Variants in TF observed in about 807,000 individuals in gnomAD.
TF encodes transferrin.
TF carries 55 observed loss-of-function variants against 82.4 expected under a neutral mutation model. The ratio of observed to expected loss-of-function variants is 0.67; its 90% CI spans 0.54 to 0.84. The LOEUF is 0.84. Among genes scored for constraint, TF ranks in the 40% least tolerant of loss-of-function variants. The pLI, the probability that TF is intolerant of heterozygous loss-of-function variation, is 0.00. For missense variants in TF, 737 were observed against 868.4 expected (o/e 0.85, Z 1.90); for synonymous variants, 332 against 332.6 (o/e 1.00, Z 0.02).
At position 133,782,125 on chromosome 3, in the gene TF, T is replaced by G. The variant is rs1183166603; in HGVS notation, c.*3505T>G. On this transcript the variant is annotated 3_prime_UTR_variant, in exon 17 of 17. Coordinates refer to ENST00000402696, the MANE Select transcript of TF (RefSeq NM_001063.4). The stretch of plus-strand genomic sequence containing the variant: ...CTAGATAATAATAGGATGACTATTA[T>G]CAAAAAGTCAAAAGATATTAATCAT... 1 of 152,102 alleles carries G rather than the reference T, an allele frequency of 6.6e-6. No individual in the cohort carries two copies. 9.4% of individuals were successfully genotyped at this position (152,102 alleles called of 1,614,324 possible).
chr3:133,675,668 T>G, the TF span, among the ~76,000 whole-genome samples: 1 of 152,226 alleles, frequency 6.6e-6, no homozygotes, highest in African/African-American at 2.4e-5. Context: ...TCAGCAGCTG[T>G]TAACTACACC....
the TF span, chr3:133,665,170 A>T: frequency 1.3e-5 from 2 of 152,286 alleles, no homozygotes; most frequent in African/African-American, 2.4e-5. Context: ...AAACTTTTTT[A>T]AAAAAGAAGC....
At chr3:133,763,795 G>C (rs1316832578) in intron 9 of TF, among the ~76,000 whole-genome samples, 5 of 152,204 alleles carry the variant, frequency 3.3e-5, no homozygotes, top group Non-Finnish European at 7.3e-5. Context: ...CCCTTCAGAA[G>C]GTGCTGTGTT....
the TF span, among the ~76,000 whole-genome samples, chr3:133,733,542 G>A: frequency 9.2e-5 from 14 of 152,198 alleles, no homozygotes; most frequent in Non-Finnish European, 1.8e-4. Context: ...AGCCTGGGGG[G>A]TCAAGTGGAA....
chr3:133,715,336 C>T, the TF span, among the ~76,000 whole-genome samples: 1 of 152,198 alleles, frequency 6.6e-6, no homozygotes, highest in African/African-American at 2.4e-5. Context: ...GCCATATCTA[C>T]CCACATGCCA....
chr3:133,717,964 T>C, the TF span, among the ~76,000 whole-genome samples: 3 of 152,190 alleles, frequency 2.0e-5, no homozygotes, highest in African/African-American at 7.2e-5. Flanking sequence ...GGGGAAAGAA[T>C]GAACTTGAGA....
At chr3:133,716,865 G>A in the TF span, among the ~76,000 whole-genome samples, 3 of 151,992 alleles carry the variant, frequency 2.0e-5, no homozygotes, top group East Asian at 3.9e-4. Context: ...TTGGCATCTC[G>A]GCTGTTCCTT....
the TF span, among the ~76,000 whole-genome samples, chr3:133,663,289 C>A: frequency 6.6e-6 from 1 of 151,644 alleles, no homozygotes; most frequent in East Asian, 1.9e-4. Flanking sequence ...GCCATGGTTG[C>A]TATACCTATC....
In TF at chr3:133,794,185, C is replaced by T. The variant is rs1371595942; in HGVS notation, c.*15565C>T. ...GATGGCCACCTTGTCCTTCCTAAGT[C>T]GTTAAAGCTTTTGTTAGTAAAATTT... On this transcript the variant is annotated 3_prime_UTR_variant, in exon 17 of 17. Coordinates refer to ENST00000402696, the MANE Select transcript of TF (RefSeq NM_001063.4). The T allele has an allele frequency of 2.0e-5, 3 of 152,126 alleles. No homozygotes were observed. The highest frequency in any genetic ancestry group is 4.4e-5 in the Non-Finnish European group (3 of 68,018). The allele number at this position is 152,126 out of a possible 1,614,324, so 9.4% of individuals were successfully genotyped here.
chr3:133,690,351 G>A, the TF span, among the ~76,000 whole-genome samples: 3 of 152,226 alleles, frequency 2.0e-5, no homozygotes, highest in Admixed American at 2.0e-4. Context: ...AAGGAAAAAT[G>A]TTCATCCCTT....
At chr3:133,742,336 C>A (rs1190185056), upstream of TF, among the ~76,000 whole-genome samples, 2 of 152,100 alleles carry the variant, frequency 1.3e-5, no homozygotes, top group Admixed American at 1.3e-4. Context: ...GACTATTCTT[C>A]ATGAGACAGG....
chr3:133,679,569 C>CTTTTTTTTTTTTGTTTTT, the TF span, among the ~76,000 whole-genome samples: 1 of 75,382 alleles, frequency 1.3e-5, no homozygotes, highest in Non-Finnish European at 2.4e-5. Flanking sequence ...CTTTGTTTGG[C>CTTTTTTTTTTTTGTTTTT]TTTTTTTTTT....
chr3:133,672,545 T>G, the TF span, among the ~76,000 whole-genome samples: 1 of 151,252 alleles, frequency 6.6e-6, no homozygotes, highest in Non-Finnish European at 1.5e-5. Context: ...TCCAGGAATG[T>G]AAGAGTAGTT....
chr3:133,723,766 C>G, the TF span, among the ~76,000 whole-genome samples: 2 of 151,580 alleles, frequency 1.3e-5, no homozygotes, highest in Non-Finnish European at 2.9e-5. Context: ...ATTAACTCGT[C>G]ATTTAGCATT....
At chr3:133,724,359 A>G in the TF span, among the ~76,000 whole-genome samples, 169 of 152,240 alleles carry the variant, frequency 1.1e-3, no homozygotes, top group African/African-American at 3.7e-3. Context: ...TAACTGGTGT[A>G]AGATGGTATC....
the TF span, among the ~76,000 whole-genome samples, chr3:133,736,631 C>CAAAAAAGAAAAA: frequency 7.1e-4 from 23 of 32,564 alleles, 2 homozygotes; most frequent in African/African-American, 1.9e-3. Context: ...AATGGAAAGC[C>CAAAAAAGAAAAA]AAAAAAAAAA....
chr3:133,714,669 T>C, the TF span, among the ~76,000 whole-genome samples: 1 of 152,120 alleles, frequency 6.6e-6, no homozygotes, highest in East Asian at 1.9e-4. Flanking sequence ...TTCACTTCCT[T>C]GAGTTGTTTT....
chr3:133,728,341 C>G, the TF span, among the ~76,000 whole-genome samples: 1 of 152,166 alleles, frequency 6.6e-6, no homozygotes, highest in South Asian at 2.1e-4. Context: ...TTCTTGGAGG[C>G]TTTGTTCGTT....
the TF span, among the ~76,000 whole-genome samples, chr3:133,707,175 G>C: frequency 7.0e-6 from 1 of 143,778 alleles, no homozygotes; most frequent in Non-Finnish European, 1.5e-5. Flanking sequence ...GAGAGGGGGA[G>C]AGTTAACCTC....
Sources: allele counts gnomAD v4.1 joint callset (sites outside exome capture counted in the v4.1 genomes callset), GRCh38; gene constraint gnomAD v4.1.1; transcripts MANE v1.5; gene names NCBI Gene and HGNC (gene_info 2026-07-23, HGNC 2026-07-21).